MYO16: variants seen among roughly 807,000 people sequenced by gnomAD.
The protein encoded by MYO16 is myosin XVI.
Under a neutral mutation model 205.3 loss-of-function variants are expected in MYO16, and 94 were observed. The ratio of observed to expected loss-of-function variants is 0.46; its 90% CI spans 0.39 to 0.54. MYO16 has a LOEUF of 0.54. Among genes scored for constraint, MYO16 ranks in the 20% least tolerant of loss-of-function variants. The pLI is 0.00. For missense variants in MYO16, 2,315 were observed against 2,387.5 expected, an observed-to-expected ratio of 0.97 and a Z score of 0.63; for synonymous variants, 988 against 954.0, an observed-to-expected ratio of 1.04 and a Z score of -0.66.
intron 2 of MYO16, among the ~76,000 whole-genome samples, chr13:108,694,188 A>G (rs1457923116): frequency 1.3e-5 from 2 of 151,996 alleles, no homozygotes; most frequent in African/African-American, 2.4e-5. Flanking sequence ...TTTCTCCCCA[A>G]CCTCACTAGC....
chr13:108,681,380 C>A (rs1882455945), intron 2 of MYO16, among the ~76,000 whole-genome samples: 2 of 152,196 alleles, frequency 1.3e-5, no homozygotes, highest in African/African-American at 4.8e-5. Flanking sequence ...ACTTTTACAT[C>A]ATCCTTCTCC....
At chr13:109,148,809 C>T (rs1877484443) in intron 32 of MYO16, among the ~76,000 whole-genome samples, 1 of 152,186 alleles carries the variant, frequency 6.6e-6, no homozygotes, top group African/African-American at 2.4e-5. Flanking sequence ...AATCTGAGGG[C>T]CTTGCAACCA....
chr13:109,051,222 C>T (rs1887236417), intron 24 of MYO16, among the ~76,000 whole-genome samples: 1 of 152,118 alleles, frequency 6.6e-6, no homozygotes, highest in African/African-American at 2.4e-5. Context: ...CTTTTCCTGA[C>T]AGTTCTTCCT....
At chr13:109,167,956 G>A (rs1007473678) in intron 33 of MYO16, among the ~76,000 whole-genome samples, 1 of 151,924 alleles carries the variant, frequency 6.6e-6, no homozygotes, top group African/African-American at 2.4e-5. Flanking sequence ...AAAGAATAAA[G>A]AATAACTAAA....
rs896279355 is a variant in MYO16 at position 109,125,800 on chromosome 13, A to G, written c.3782+442A>G. Among the ~76,000 whole-genome samples, 2 of 152,250 alleles carry G rather than the reference A, an allele frequency of 1.3e-5. No individual in the cohort carries two copies. The highest frequency in any genetic ancestry group is 2.9e-5 in the Non-Finnish European group (2 of 68,044). ...TGAAAACATGGAAGAAGTGAACTCA[A>G]TAGATAGATTGTAAGTGTATTATAT... On this transcript the variant is annotated intron_variant, in intron 30 of 34. Transcript: ENST00000457511. This position sits in a 1 kb window ranked among gnomAD's most constrained non-coding sequence, Gnocchi z 4.0.
chr13:109,179,374 G>A (rs941494814), intron 33 of MYO16, among the ~76,000 whole-genome samples, 168 bp from the exon 34 acceptor site: 1 of 152,158 alleles, frequency 6.6e-6, no homozygotes, highest in Non-Finnish European at 1.5e-5. Context: ...CCACAATACT[G>A]TGCATGCCCA....
At chr13:109,088,743 C>T (rs1204759405) in intron 27 of MYO16, among the ~76,000 whole-genome samples, 11 of 152,194 alleles carry the variant, frequency 7.2e-5, no homozygotes, top group Non-Finnish European at 1.5e-4. Context: ...GGCTGCCCTT[C>T]CGCATCGCGC....
rs374252281 is a variant in MYO16, at chr13:108,961,623, G to A, written c.2122G>A (p.Ala708Thr). ...RFTALNEGNS[A>T]FVSDLQLLEQ... ...TACTGCCCTGAATGAGGGGAACTCCGCCTTCGTTTCTGACCTCCAGCTCCT... is the reference window on the plus strand; with the variant it reads ...TACTGCCCTGAATGAGGGGAACTCCACCTTCGTTTCTGACCTCCAGCTCCT... Residue 708 changes from alanine to threonine, a missense_variant, in exon 18 of 35, where the codon GCC becomes ACC. Transcript: ENST00000457511. 73 of 1,613,826 alleles carry A rather than the reference G, an allele frequency of 4.5e-5. No homozygotes were observed. The highest frequency in any genetic ancestry group is 6.7e-5 in the East Asian group (3 of 44,880).
chr13:108,988,320 G>A (rs1027125839), intron 20 of MYO16, among the ~76,000 whole-genome samples: 1 of 152,122 alleles, frequency 6.6e-6, no homozygotes, highest in African/African-American at 2.4e-5. Flanking sequence ...GCATATTTCA[G>A]TCATAAATGA....
At chr13:108,779,595 A>G in intron 4 of MYO16, 1 of 152,258 alleles carries the variant, frequency 6.6e-6, no homozygotes, top group East Asian at 1.9e-4. Context: ...AACAGGTACC[A>G]GCAAAATATG....
chr13:108,785,442 C>T (rs142338196), intron 4 of MYO16, among the ~76,000 whole-genome samples, 193 bp from the exon 5 acceptor site: 8 of 152,214 alleles, frequency 5.3e-5, no homozygotes, highest in African/African-American at 9.6e-5. Flanking sequence ...GTTTTCAGAA[C>T]GTTAGAGTCT....
In MYO16 at chr13:108,849,971, G is replaced by T. The variant is rs182700205; in HGVS notation, c.1249-5472G>T. 1.6e-4 allele frequency among the ~76,000 whole-genome samples: 21 copies of T among 132,806 alleles called. No homozygotes were observed. In the South Asian group the frequency reaches 2.9e-3, roughly 18 times the overall value. The allele number at this position is 132,806 out of a possible 152,430, so 87.1% of individuals were successfully genotyped here. A position where few individuals can be genotyped will look rare whatever the true frequency, so the allele number is the denominator to read the frequency against. ...ATCCTGTTGAATTTCCTCTTTTTTT[G>T]TGTGTGTAACTTATCCATACTGGGT... On this transcript the variant is annotated intron_variant, in intron 10 of 34. Transcript: ENST00000457511.
intron 23 of MYO16, among the ~76,000 whole-genome samples, chr13:109,036,624 T>C (rs1040978259): frequency 1.3e-5 from 2 of 152,150 alleles, no homozygotes; most frequent in Non-Finnish European, 2.9e-5. Flanking sequence ...AAGTTTTCTT[T>C]TGAGTTATTT....
At chr13:108,844,279 G>A (rs535179851) in intron 9 of MYO16, 64 bp from the exon 10 acceptor site, 75 of 1,405,860 alleles carry the variant, frequency 5.3e-5, no homozygotes, top group Non-Finnish European at 7.0e-5. Flanking sequence ...TCCTGTATTG[G>A]TAATTTTCGA....
At chr13:108,611,972 C>CTTTTTTT (rs201871787) in intron 1 of MYO16, among the ~76,000 whole-genome samples, 31 of 89,756 alleles carry the variant, frequency 3.5e-4, no homozygotes, top group African/African-American at 4.8e-4. Flanking sequence ...TTTTTTTTTT[C>CTTTTTTT]TTTTTTTTTT....
At chr13:109,105,112 G>A (rs969054443) in intron 28 of MYO16, among the ~76,000 whole-genome samples, 2 of 152,226 alleles carry the variant, frequency 1.3e-5, no homozygotes, top group South Asian at 2.1e-4. Flanking sequence ...GCCAAGAAAT[G>A]AGTTTCTGTA....
intron 20 of MYO16, among the ~76,000 whole-genome samples, chr13:108,987,777 C>G (rs183339749): frequency 2.5e-4 from 38 of 152,348 alleles, no homozygotes; most frequent in Admixed American, 1.8e-3. Flanking sequence ...TAGGGAATCT[C>G]CTTGCCTGAG....
chr13:108,768,686 CAATT>C (rs1377251474), intron 4 of MYO16, among the ~76,000 whole-genome samples: 2 of 151,974 alleles, frequency 1.3e-5, no homozygotes, highest in Non-Finnish European at 2.9e-5. Context: ...TTTAATAAAA[CAATT>C]AATGTGATGC....
chr13:108,580,476 GTAACAACTCTCTC>G, the MYO16 span, among the ~76,000 whole-genome samples: 4 of 152,152 alleles, frequency 2.6e-5, no homozygotes, highest in African/African-American at 4.8e-5. Context: ...AGTGTTCCTA[GTAACAACTCTCTC>G]TTTTTGCGCT....
Sources: allele counts gnomAD v4.1 joint callset (sites outside exome capture counted in the v4.1 genomes callset), GRCh38; gene constraint gnomAD v4.1.1; non-coding constraint Gnocchi (gnomAD v3.1); transcripts MANE v1.5; gene names NCBI Gene and HGNC (gene_info 2026-07-23, HGNC 2026-07-21).